The following CORO2B variants were observed in gnomAD, a reference collection of about 807,000 sequenced individuals.
The protein encoded by CORO2B is coronin-2B.
In CORO2B, 26 loss-of-function variants were observed where a neutral mutation model predicts 58.8. The ratio of observed to expected loss-of-function variants is 0.44; its 90% CI spans 0.32 to 0.61. The LOEUF is 0.61. CORO2B is among the 20% of genes least tolerant of loss of function. The pLI is 0.04. For synonymous variants in CORO2B, 242 were observed against 253.8 expected (o/e 0.95, Z 0.44); for missense variants, 460 against 645.1 (o/e 0.71, Z 3.11).
the CORO2B span, among the ~76,000 whole-genome samples, chr15:68,531,890 G>A: frequency 1.3e-5 from 2 of 151,614 alleles, no homozygotes; most frequent in African/African-American, 2.4e-5. Flanking sequence ...AAAAAAAAAA[G>A]TATTTAGTTT....
intron 2 of CORO2B, among the ~76,000 whole-genome samples, chr15:68,664,060 T>G (rs1567000254): frequency 6.6e-6 from 1 of 152,236 alleles, no homozygotes; most frequent in Non-Finnish European, 1.5e-5. Flanking sequence ...ACTACACTGC[T>G]GGGAGTGTAC....
intron 3 of CORO2B, among the ~76,000 whole-genome samples, chr15:68,698,890 G>A (rs1220788126): frequency 6.6e-6 from 1 of 152,116 alleles, no homozygotes; most frequent in East Asian, 1.9e-4. Context: ...CCACCAAAAC[G>A]TGGTGCAGAA....
intron 7 of CORO2B, 98 bp from the exon 8 acceptor site, chr15:68,715,117 G>A: frequency 9.3e-7 from 1 of 1,069,606 alleles, no homozygotes; most frequent in Non-Finnish European, 1.4e-6. Flanking sequence ...TGCCCATGAG[G>A]CACAGGGGAG....
chr15:68,560,019 T>C, the CORO2B span, among the ~76,000 whole-genome samples: 2 of 152,232 alleles, frequency 1.3e-5, no homozygotes, highest in Admixed American at 6.5e-5. Context: ...TCTGACCAAG[T>C]CTCTGCCAGC....
At chr15:68,600,622 C>A (rs1041550111) in intron 1 of CORO2B, among the ~76,000 whole-genome samples, 6 of 152,180 alleles carry the variant, frequency 3.9e-5, no homozygotes, top group Admixed American at 3.9e-4. Flanking sequence ...CCTTCAGATA[C>A]CCTTGTGCCC....
At chr15:68,593,933 G>A (rs909896409) in intron 1 of CORO2B, among the ~76,000 whole-genome samples, 1 of 152,130 alleles carries the variant, frequency 6.6e-6, no homozygotes, top group African/African-American at 2.4e-5. Context: ...CATTTAAGAA[G>A]GGGAAGGGCT....
intron 2 of CORO2B, among the ~76,000 whole-genome samples, chr15:68,689,211 G>A (rs1189185136): frequency 6.6e-6 from 1 of 151,334 alleles, no homozygotes; most frequent in African/African-American, 2.4e-5. Context: ...AGACTCCAAA[G>A]AATAGGTCTC....
At chr15:68,680,419 A>G (rs961386279) in intron 2 of CORO2B, among the ~76,000 whole-genome samples, 4 of 152,190 alleles carry the variant, frequency 2.6e-5, no homozygotes, top group African/African-American at 4.8e-5. Context: ...ACGCAAGACA[A>G]TGCTAAATGG....
chr15:68,693,872 G>A (rs1238061371), intron 2 of CORO2B, among the ~76,000 whole-genome samples: 3 of 152,164 alleles, frequency 2.0e-5, no homozygotes, highest in Non-Finnish European at 4.4e-5. Flanking sequence ...GTCTTGCTCT[G>A]TCACCCAGTC....
intron 1 of CORO2B, among the ~76,000 whole-genome samples, chr15:68,599,883 T>C (rs1292214712): frequency 1.3e-5 from 2 of 152,204 alleles, no homozygotes; most frequent in Non-Finnish European, 2.9e-5. Context: ...TCTGTGGGCC[T>C]GGGGTCTCCA....
At chr15:68,580,372 TCAGATGGAGGGTCAGAGCAGTGGGGC>T (rs67351715) in intron 1 of CORO2B, among the ~76,000 whole-genome samples, 93,619 of 151,558 alleles carry the variant, frequency 0.62, 30,001 homozygotes, top group East Asian at 0.87. Context: ...CAGAGTGGGG[TCAGATGGAGGGTCAGAGCAGTGGGGC>T]CAGATGGAGG....
the CORO2B span, among the ~76,000 whole-genome samples, chr15:68,571,088 G>A: frequency 6.6e-6 from 1 of 152,234 alleles, no homozygotes; most frequent in Non-Finnish European, 1.5e-5. Flanking sequence ...GGCTGTGGAA[G>A]AATTTGGGAT....
intron 2 of CORO2B, among the ~76,000 whole-genome samples, chr15:68,675,820 C>G (rs551669273): frequency 2.6e-5 from 4 of 152,174 alleles, no homozygotes; most frequent in Admixed American, 6.6e-5. Flanking sequence ...AGCACCTTCT[C>G]TGTACCCGGC....
At chr15:68,585,192 G>A (rs1047862745) in intron 1 of CORO2B, among the ~76,000 whole-genome samples, 5 of 152,146 alleles carry the variant, frequency 3.3e-5, no homozygotes, top group African/African-American at 1.2e-4. Context: ...TGGTGGGGAC[G>A]GTCCCCTCTA....
intron 5 of CORO2B, among the ~76,000 whole-genome samples, chr15:68,713,201 T>A (rs1892959622): frequency 6.6e-6 from 1 of 152,170 alleles, no homozygotes; most frequent in Non-Finnish European, 1.5e-5. Context: ...GAGTCTCTTG[T>A]CCTCCTGAGC....
the CORO2B span, among the ~76,000 whole-genome samples, chr15:68,533,096 T>G: frequency 6.6e-6 from 1 of 152,222 alleles, no homozygotes; most frequent in African/African-American, 2.4e-5. Context: ...CAGTAAAACC[T>G]TCATGCTCTA....
chr15:68,645,173 C>T lies in CORO2B; in HGVS notation c.29C>T (p.Pro10Leu), dbSNP rs371239183. 112 of 1,613,972 alleles carry T rather than the reference C, an allele frequency of 6.9e-5. No individual in the cohort carries two copies. Among genetic ancestry groups the T allele is most frequent in the Non-Finnish European group, 8.5e-5 (100 of 1,180,002 alleles). Residue 10 changes from proline (P) to leucine (L), a missense_variant, in exon 2 of 12, where the codon CCG (proline) becomes CTG (leucine). Coordinates refer to ENST00000261861, the MANE Select transcript of CORO2B (RefSeq NM_006091.5). This position sits in a 1 kb window ranked among gnomAD's most constrained non-coding sequence, Gnocchi z 4.5. MTVTKMSWR[P>L]QYRSSKFRNV... ...GGCCCCTCACAGATGTCCTGGCGTC[C>T]GCAATACCGTAGCTCCAAGTTCCGG...
intron 1 of CORO2B, among the ~76,000 whole-genome samples, chr15:68,609,991 C>A (rs1336099793): frequency 6.6e-6 from 1 of 152,196 alleles, no homozygotes; most frequent in East Asian, 1.9e-4. Flanking sequence ...TCCCCTCTAC[C>A]CACCCTCCTT....
At chr15:68,561,129 G>T in the CORO2B span, among the ~76,000 whole-genome samples, 1 of 152,138 alleles carries the variant, frequency 6.6e-6, no homozygotes, top group Admixed American at 6.5e-5. Context: ...AATACTGGTT[G>T]GGTCCCAGGA....
Sources: allele counts gnomAD v4.1 joint callset (sites outside exome capture counted in the v4.1 genomes callset), GRCh38; gene constraint gnomAD v4.1.1; non-coding constraint Gnocchi (gnomAD v3.1); transcripts MANE v1.5; gene names NCBI Gene and HGNC (gene_info 2026-07-23, HGNC 2026-07-21).